NAALADL2: variants seen among roughly 807,000 people sequenced by gnomAD.
NAALADL2 encodes the protein N-acetylated alpha-linked acidic dipeptidase like 2.
In NAALADL2, 76 loss-of-function variants were observed where a neutral mutation model predicts 87.2. The observed-to-expected ratio is 0.87, with a 90% CI of 0.72 to 1.05. The LOEUF (loss-of-function observed/expected upper bound fraction) is 1.05, where lower values mean the gene tolerates loss of function less well. NAALADL2 is among the 50% of genes least tolerant of loss of function. The pLI is 0.00. For synonymous variants in NAALADL2, 354 were observed against 331.0 expected, an observed-to-expected ratio of 1.07 and a Z score of -0.75; for missense variants, 1,089 against 945.8, an observed-to-expected ratio of 1.15 and a Z score of -1.99.
rs79319364 is a variant in NAALADL2, at chr3:175,414,987, T to C, written c.1091-32242T>C. Among the ~76,000 whole-genome samples, 20 of 152,276 alleles carry C rather than the reference T, an allele frequency of 1.3e-4. No homozygotes were observed. In the East Asian group the frequency reaches 3.5e-3, roughly 26 times the overall value. The stretch of plus-strand genomic sequence containing the variant: ...TACAACTGATCAAAAGAAAACACTT[T>C]TAAGTAGAAAAATTGTCTTACGGGA... On this transcript the variant is annotated intron_variant, in intron 5 of 13. Transcript: ENST00000454872.
In NAALADL2 at chr3:174,493,545, G is replaced by A. The variant is rs148603175; in HGVS notation, c.-184+52513G>A. On this transcript the variant is annotated intron_variant, in intron 1 of 3. Transcript: ENST00000434257. ...GAGAAAATAAATTTCTGTTTTTTAAGCCACACAGTCTGTGGTAGTTTGTTA... is the reference window on the plus strand; with the variant it reads ...GAGAAAATAAATTTCTGTTTTTTAAACCACACAGTCTGTGGTAGTTTGTTA... Among the ~76,000 whole-genome samples the A allele has an allele frequency of 6.6e-5, 10 of 152,220 alleles. No homozygotes were observed. The East Asian group carries it at 1.9e-3, about 29-fold the overall frequency.
chr3:175,155,834 T>C (rs1732235017), intron 2 of NAALADL2, among the ~76,000 whole-genome samples: 1 of 152,144 alleles, frequency 6.6e-6, no homozygotes, highest in Non-Finnish European at 1.5e-5. Context: ...AGACAAGCAT[T>C]GTGATGTTTT....
intron 2 of NAALADL2, among the ~76,000 whole-genome samples, chr3:174,659,708 A>T (rs1725329286): frequency 6.6e-6 from 1 of 152,150 alleles, no homozygotes; most frequent in African/African-American, 2.4e-5. Context: ...AAGTCAGGTT[A>T]TTTATCCCTA....
chr3:175,022,412 C>T (rs1212273016), intron 1 of NAALADL2, among the ~76,000 whole-genome samples: 3 of 151,932 alleles, frequency 2.0e-5, no homozygotes, highest in Non-Finnish European at 4.4e-5. Context: ...GGACAATTAC[C>T]TGACAAATGG....
chr3:175,423,052 T>TATA (rs1491115866), intron 5 of NAALADL2, among the ~76,000 whole-genome samples: 154 of 98,398 alleles, frequency 1.6e-3, no homozygotes, highest in East Asian at 0.011. Context: ...TATATATATA[T>TATA]TTTTTTTTTT....
At chr3:175,581,649 G>A (rs534812317) in intron 10 of NAALADL2, among the ~76,000 whole-genome samples, 1 of 152,192 alleles carries the variant, frequency 6.6e-6, no homozygotes, top group Non-Finnish European at 1.5e-5. Flanking sequence ...TATCAATGTG[G>A]AATCTTAATC....
chr3:174,838,248 C>T (rs949448805), intron 3 of NAALADL2, among the ~76,000 whole-genome samples: 3 of 152,044 alleles, frequency 2.0e-5, no homozygotes, highest in Non-Finnish European at 4.4e-5. Context: ...AAAATCACAT[C>T]ATCATCACAA....
intron 1 of NAALADL2, among the ~76,000 whole-genome samples, chr3:175,096,104 C>T (rs900387785): frequency 1.3e-5 from 2 of 152,026 alleles, no homozygotes; most frequent in Non-Finnish European, 2.9e-5. Flanking sequence ...TAAAATTCAC[C>T]GAGCCAGGCC....
intron 1 of NAALADL2, among the ~76,000 whole-genome samples, chr3:174,504,336 AT>A (rs1719079743): frequency 6.6e-6 from 1 of 152,122 alleles, no homozygotes; most frequent in South Asian, 2.1e-4. Context: ...TAGTTTCCTT[AT>A]TAAGGAATAT....
chr3:175,498,305 A>T (rs1203443084), intron 9 of NAALADL2, among the ~76,000 whole-genome samples: 1 of 152,080 alleles, frequency 6.6e-6, no homozygotes, highest in East Asian at 1.9e-4. Context: ...CAGAGAAAAT[A>T]CCAATTTGTA....
chr3:175,652,677 A>G (rs1003178596), intron 11 of NAALADL2, among the ~76,000 whole-genome samples: 2 of 151,928 alleles, frequency 1.3e-5, no homozygotes, highest in African/African-American at 4.8e-5. Context: ...ACGGGGTTTC[A>G]CCATGTTAGC....
rs146025382 is a variant in NAALADL2 at position 174,447,423 on chromosome 3, A to G, written c.-184+6391A>G. Among the ~76,000 whole-genome samples the G allele has an allele frequency of 1.4e-3, 209 of 152,334 alleles. 6 individuals carry two copies. In the East Asian group the frequency reaches 0.038, roughly 28 times the overall value. On this transcript the variant is annotated intron_variant, in intron 1 of 3. Coordinates refer to the NAALADL2 transcript ENST00000434257. ...ATCTTCTTTTGTAAAACTTATTGCT[A>G]TATTTTGGAGAAAGTAGTTAAATAA...
At chr3:174,972,629 T>G (rs11719400) in intron 1 of NAALADL2, among the ~76,000 whole-genome samples, 98,922 of 151,956 alleles carry the variant, frequency 0.65, 33,092 homozygotes, top group African/African-American at 0.8. Flanking sequence ...AAGTACTGAG[T>G]GTTAGGACTG....
At chr3:174,566,199 A>G (rs911529970) in intron 2 of NAALADL2, among the ~76,000 whole-genome samples, 4 of 151,866 alleles carry the variant, frequency 2.6e-5, no homozygotes, top group African/African-American at 4.8e-5. Context: ...TTAATTTTTT[A>G]ATTTTCATTT....
chr3:174,911,674 G>A (rs1733729628), intron 1 of NAALADL2, among the ~76,000 whole-genome samples: 1 of 152,040 alleles, frequency 6.6e-6, no homozygotes, highest in Admixed American at 6.5e-5. Flanking sequence ...TTCAATTTGG[G>A]TTTCAGTCAT....
At chr3:174,512,266 A>G (rs1240733432) in intron 1 of NAALADL2, among the ~76,000 whole-genome samples, 1 of 152,160 alleles carries the variant, frequency 6.6e-6, no homozygotes, top group Non-Finnish European at 1.5e-5. Flanking sequence ...TTAGTGCTTT[A>G]AAGTATGCTC....
chr3:174,489,665 G>A (rs1296819018), intron 1 of NAALADL2, among the ~76,000 whole-genome samples: 2 of 152,000 alleles, frequency 1.3e-5, no homozygotes, highest in African/African-American at 2.4e-5. Flanking sequence ...AAAAGAATCA[G>A]AGTAGACATT....
chr3:174,639,821 T>C (rs1722996831), intron 2 of NAALADL2, among the ~76,000 whole-genome samples: 1 of 152,236 alleles, frequency 6.6e-6, no homozygotes, highest in South Asian at 2.1e-4. Context: ...GTTAATATTG[T>C]CATTAACTGC....
chr3:174,463,244 C>T (rs77223633), intron 1 of NAALADL2, among the ~76,000 whole-genome samples: 3,008 of 152,212 alleles, frequency 0.02, 99 homozygotes, highest in African/African-American at 0.062. Flanking sequence ...GCTTATGGTC[C>T]TCAACTATCT....
Sources: gnomAD v4.1 joint callset for allele counts (sites outside exome capture counted in the v4.1 genomes callset) on GRCh38, gnomAD v4.1.1 for gene constraint, MANE v1.5 for transcripts, NCBI Gene and HGNC (gene_info 2026-07-23, HGNC 2026-07-21) for gene names.